Variants in IARS1 observed in about 807,000 individuals in gnomAD.
The protein encoded by IARS1 is isoleucine--tRNA ligase, cytoplasmic.
A neutral mutation model predicts 168.2 loss-of-function variants in IARS1; 124 were observed. The ratio of observed to expected loss-of-function variants is 0.74; its 90% CI spans 0.64 to 0.86. IARS1 has a LOEUF of 0.86. Ranked by LOEUF, IARS1 falls within the 40% of genes least tolerant of loss-of-function variation. IARS1 has a pLI of 0.00. For missense variants in IARS1, 1,452 were observed against 1,515.8 expected (o/e 0.96, Z 0.70); for synonymous variants, 532 against 529.4 (o/e 1.00, Z -0.07).
rs149536604 is a variant in IARS1, at chr9:92,262,990, A to T, written c.1766T>A (p.Val589Glu). ...CTACCTTGCCAGGACAAGCCCATTC[A>T]CAATTACGTTCTTGAAAGGCGGTTG... ...FGQPPFKNVI[V>E]NGLVLASDGQ... The change falls in exon 17 of 34, where the codon GTG becomes GAG. Residue 589 changes from valine (V) to glutamate (E), a missense_variant. Val to Glu is a moderately radical substitution (Grantham distance 121). Transcript: ENST00000443024. 2.5e-5 allele frequency: 40 copies of T among 1,613,858 alleles called. No homozygotes were observed. Among genetic ancestry groups the T allele is most frequent in the Admixed American group, 1.3e-4 (8 of 60,006 alleles).
Position 92,265,217 on chromosome 9 carries a change from T to A in IARS1, c.1506-94A>T. 5.5e-6 allele frequency: 6 copies of A among 1,093,082 alleles called. No homozygotes were observed. The Middle Eastern group carries it at 8.7e-4, about 158-fold the overall frequency. 67.7% of individuals were successfully genotyped at this position (1,093,082 alleles called of 1,614,324 possible). A position where few individuals can be genotyped will look rare whatever the true frequency, so the allele number is the denominator to read the frequency against. ...TAGGAAACACAAAACCCTGACAAGATATTATACACATTTGCAAACAGAAAT... is the reference window on the plus strand; with the variant it reads ...TAGGAAACACAAAACCCTGACAAGAAATTATACACATTTGCAAACAGAAAT... On this transcript the variant is annotated intron_variant, in intron 15 of 33. Coordinates refer to ENST00000443024, the MANE Select transcript of IARS1 (RefSeq NM_002161.6).
intron 33 of IARS1, among the ~76,000 whole-genome samples, chr9:92,215,276 C>T (rs1313636673): frequency 6.6e-6 from 1 of 152,170 alleles, no homozygotes; most frequent in Non-Finnish European, 1.5e-5. Context: ...ATCTGTACGT[C>T]ACCATCATCA....
chr9:92,210,725 A>C lies in IARS1; in HGVS notation c.*82T>G. 1.2e-6 allele frequency: 1 copy of C among 811,484 alleles called. No individual in the cohort carries two copies. The highest frequency in any genetic ancestry group is 1.4e-5 in the South Asian group (1 of 71,646). 50.3% of individuals were successfully genotyped at this position (811,484 alleles called of 1,614,324 possible). On this transcript the variant is annotated 3_prime_UTR_variant, in exon 34 of 34. Transcript: ENST00000443024. ...TGAAGGAAATATCTTCAGTGTGTTCATGTGTGTGTCTATGTGCATGTATGT... is the reference window on the plus strand; with the variant it reads ...TGAAGGAAATATCTTCAGTGTGTTCCTGTGTGTGTCTATGTGCATGTATGT...
In IARS1 at chr9:92,247,435, T is replaced by C. The variant is rs780556038; in HGVS notation, c.2733A>G (p.Ala911=). ...TCAACTGCTTGATGGACGTCATCACTGCCTTAAAGGCTCCCTTCAGACGCT... is the reference window on the plus strand; with the variant it reads ...TCAACTGCTTGATGGACGTCATCACCGCCTTAAAGGCTCCCTTCAGACGCT... The part of the protein sequence containing the change: ...LGKRLKGAFK[A]VMTSIKQLSS... The change falls in exon 26 of 34, where the codon GCA becomes GCG. Residue 911 remains alanine (A), a synonymous_variant. Transcript: ENST00000443024. The C allele has an allele frequency of 6.2e-7, 1 of 1,614,210 alleles. No individual in the cohort carries two copies. Among genetic ancestry groups the C allele is most frequent in the Non-Finnish European group, 8.5e-7 (1 of 1,180,042 alleles).
rs561762335 is a variant in IARS1, at chr9:92,250,256, T to C, written c.2463A>G (p.Ala821=). 2.4e-5 allele frequency: 38 copies of C among 1,610,900 alleles called. No homozygotes were observed. The East Asian group carries it at 6.0e-4, about 26-fold the overall frequency. The change falls in exon 24 of 34, where the codon GCA becomes GCG. Residue 821 remains alanine, a synonymous_variant. Coordinates refer to ENST00000443024, the MANE Select transcript of IARS1 (RefSeq NM_002161.6). ...CAATCACAGACTGCATCTGAGATAC[T>C]GCACTCTCTGTTTTCTTGTCAATCA... ...EELIDKKTES[A]VSQMQSVIEL...
At chr9:92,268,545 AACTGGAGT>A (rs1386791549) in intron 13 of IARS1, among the ~76,000 whole-genome samples, 1 of 152,130 alleles carries the variant, frequency 6.6e-6, no homozygotes, top group East Asian at 1.9e-4. Flanking sequence ...CCTCCTCTTC[AACTGGAGT>A]ACAGCTGCCA....
At chr9:92,280,249 T>C (rs1041149818) in intron 7 of IARS1, among the ~76,000 whole-genome samples, 3 of 152,222 alleles carry the variant, frequency 2.0e-5, no homozygotes, top group African/African-American at 7.2e-5. Flanking sequence ...GCTTTTTTCA[T>C]GGCAATGAGT....
At chr9:92,281,868 G>A (rs1203241542) in intron 6 of IARS1, among the ~76,000 whole-genome samples, 1 of 152,172 alleles carries the variant, frequency 6.6e-6, no homozygotes, top group Admixed American at 6.5e-5. Flanking sequence ...AAATATGTCA[G>A]TATTATGAGG....
chr9:92,233,635 AC>A (rs1333538367), intron 30 of IARS1, among the ~76,000 whole-genome samples: 2 of 152,218 alleles, frequency 1.3e-5, no homozygotes, highest in Non-Finnish European at 2.9e-5. Context: ...GATAGAAGAT[AC>A]ATTTTTACTA....
At chr9:92,249,386 C>G (rs1829691090) in intron 25 of IARS1, among the ~76,000 whole-genome samples, 1 of 152,108 alleles carries the variant, frequency 6.6e-6, no homozygotes, top group Non-Finnish European at 1.5e-5. Context: ...ACCCCATTCT[C>G]TACTAAAAAT....
Position 92,287,878 on chromosome 9 carries a change from T to A in IARS1, c.309A>T (p.Arg103Ser). The A allele has an allele frequency of 1.9e-6, 3 of 1,613,916 alleles. No homozygotes were observed. Among genetic ancestry groups the A allele is most frequent in the Non-Finnish European group, 2.5e-6 (3 of 1,179,870 alleles). Residue 103 changes from arginine to serine, a missense_variant, in exon 4 of 34, where the codon AGA (arginine) becomes AGT (serine). By Grantham distance (110) the Arg-to-Ser change is moderately radical. Transcript: ENST00000443024. The stretch of plus-strand genomic sequence containing the variant: ...CCATTTTGGCCACATCCTCTGGTCC[T>A]CTGATTCCCAGTGTCTTATCAATTT... ...EYEIDKTLGIRGPEDVAKMGI... is the reference protein window; with the variant it reads ...EYEIDKTLGISGPEDVAKMGI...
intron 33 of IARS1, among the ~76,000 whole-genome samples, chr9:92,213,717 C>G (rs560075236): frequency 3.9e-5 from 6 of 152,320 alleles, no homozygotes; most frequent in African/African-American, 1.4e-4. Flanking sequence ...GAAACCAATA[C>G]AGAGAAAATC....
At chr9:92,279,410 T>G (rs984469219) in intron 7 of IARS1, among the ~76,000 whole-genome samples, 1 of 152,172 alleles carries the variant, frequency 6.6e-6, no homozygotes. Flanking sequence ...ACCAGTGACA[T>G]AGGGAAATTG....
At chr9:92,229,333 T>C (rs1395462079) in intron 30 of IARS1, among the ~76,000 whole-genome samples, 1 of 149,322 alleles carries the variant, frequency 6.7e-6, no homozygotes, top group African/African-American at 2.5e-5. Context: ...TATATACATA[T>C]ATAGTGTATA....
intron 19 of IARS1, among the ~76,000 whole-genome samples, chr9:92,258,284 T>C (rs1831011876): frequency 6.6e-6 from 1 of 152,152 alleles, no homozygotes; most frequent in Non-Finnish European, 1.5e-5. Context: ...CAACATGGTG[T>C]TCCTGGTACC....
At chr9:92,240,491 C>G (rs1202871285) in intron 30 of IARS1, 1 of 579,088 alleles carries the variant, frequency 1.7e-6, no homozygotes, top group African/African-American at 1.9e-5. Context: ...AACTCCTGAC[C>G]TCAAGTAATC....
At chr9:92,229,223 T>C in intron 30 of IARS1, 97 bp from the exon 31 acceptor site, 3 of 1,294,832 alleles carry the variant, frequency 2.3e-6, no homozygotes, top group South Asian at 1.4e-5. Flanking sequence ...GTTCAAGCCC[T>C]AATATTTTTC....
chr9:92,251,090 A>G (rs1829948524), intron 22 of IARS1: 1 of 523,032 alleles, frequency 1.9e-6, no homozygotes, highest in African/African-American at 1.9e-5. Context: ...AGGAGCACCT[A>G]ATGATGTATC....
At chr9:92,265,663 T>A in intron 14 of IARS1, 110 bp from the exon 15 acceptor site, 1 of 927,342 alleles carries the variant, frequency 1.1e-6, no homozygotes, top group South Asian at 1.4e-5. Flanking sequence ...ATTTTCTTTT[T>A]CCTTTTTTTT....
Sources: gnomAD v4.1 joint callset for allele counts (sites outside exome capture counted in the v4.1 genomes callset) on GRCh38, gnomAD v4.1.1 for gene constraint, MANE v1.5 for transcripts, NCBI Gene and HGNC (gene_info 2026-07-23, HGNC 2026-07-21) for gene names.